The following CFTR variants were observed in gnomAD, a reference collection of about 807,000 sequenced individuals.
The protein encoded by CFTR is cystic fibrosis transmembrane conductance regulator.
CFTR carries 181 observed loss-of-function variants against 171.6 expected under a neutral mutation model. That is an observed-to-expected ratio of 1.05 (90% CI 0.93 to 1.19). The LOEUF (loss-of-function observed/expected upper bound fraction) is 1.19, where lower values mean the gene tolerates loss of function less well. CFTR is among the 50% of genes most tolerant of loss of function. The pLI, the probability that CFTR is intolerant of heterozygous loss-of-function variation, is 0.00. For missense variants in CFTR, 1,968 were observed against 1,734.7 expected (o/e 1.13, Z -2.39); for synonymous variants, 583 against 608.0 (o/e 0.96, Z 0.60).
intron 11 of CFTR, among the ~76,000 whole-genome samples, chr7:117,577,008 T>C (rs932570397): frequency 6.6e-6 from 1 of 152,006 alleles, no homozygotes; most frequent in Non-Finnish European, 1.5e-5. Context: ...TGTGAACAGA[T>C]AAGAAAATGG....
intron 1 of CFTR, among the ~76,000 whole-genome samples, chr7:117,499,885 C>T (rs1403869011): frequency 6.6e-6 from 1 of 151,910 alleles, no homozygotes; most frequent in Admixed American, 6.6e-5. Flanking sequence ...AAAAGTCTGT[C>T]GTCAATATGT....
At chr7:117,517,937 G>T (rs745668257) in intron 3 of CFTR, among the ~76,000 whole-genome samples, 13 of 152,122 alleles carry the variant, frequency 8.5e-5, no homozygotes, top group Non-Finnish European at 1.5e-4. Flanking sequence ...GTTCCTTGTA[G>T]ATTTTGGATA....
At chr7:117,562,469 A>G (rs1299559006) in intron 11 of CFTR, among the ~76,000 whole-genome samples, 1 of 152,172 alleles carries the variant, frequency 6.6e-6, no homozygotes, top group Non-Finnish European at 1.5e-5. Flanking sequence ...TATCGTGTGG[A>G]AGAAAACAGC....
intron 21 of CFTR, among the ~76,000 whole-genome samples, chr7:117,619,030 A>G (rs1028457833): frequency 2.0e-5 from 3 of 152,188 alleles, no homozygotes; most frequent in African/African-American, 7.2e-5. Flanking sequence ...ATTCATTTCA[A>G]TTATATTTCT....
chr7:117,598,300 T>C (rs1792170233), intron 15 of CFTR, among the ~76,000 whole-genome samples: 1 of 152,210 alleles, frequency 6.6e-6, no homozygotes, highest in Non-Finnish European at 1.5e-5. Flanking sequence ...TATGTCCTAA[T>C]ATAAAACCTA....
intron 11 of CFTR, among the ~76,000 whole-genome samples, chr7:117,570,457 T>C (rs1482460128): frequency 1.3e-5 from 2 of 152,106 alleles, no homozygotes; most frequent in African/African-American, 4.8e-5. Context: ...CCAAACAATA[T>C]TTTAGGAATT....
At chr7:117,649,644 C>T (rs1297071241) in intron 23 of CFTR, among the ~76,000 whole-genome samples, 3 of 151,600 alleles carry the variant, frequency 2.0e-5, no homozygotes, top group Non-Finnish European at 4.4e-5. Flanking sequence ...ATTTTCATAT[C>T]AGTCCATTTA....
Position 117,570,977 on chromosome 7 carries a change from C to T in CFTR, c.1584+11322C>T, listed in dbSNP as rs148745734. On this transcript the variant is annotated intron_variant, in intron 11 of 26. Transcript: ENST00000003084. ...TATTTGGGAAAACCACCTATTCTAACACACTTGAAATTTAAATAAGTCAGG... is the reference window on the plus strand; with the variant it reads ...TATTTGGGAAAACCACCTATTCTAATACACTTGAAATTTAAATAAGTCAGG... 7.2e-4 allele frequency among the ~76,000 whole-genome samples: 110 copies of T among 152,322 alleles called. No homozygotes were observed. In the Middle Eastern group the frequency reaches 0.027, roughly 38 times the overall value.
intron 11 of CFTR, among the ~76,000 whole-genome samples, chr7:117,572,325 G>A (rs983231769): frequency 1.3e-5 from 2 of 152,038 alleles, no homozygotes; most frequent in Non-Finnish European, 2.9e-5. Context: ...TAAGCTGATT[G>A]AAGATTCTTA....
intron 22 of CFTR, among the ~76,000 whole-genome samples, chr7:117,639,425 C>T (rs1459230601): frequency 6.6e-6 from 1 of 152,132 alleles, no homozygotes; most frequent in African/African-American, 2.4e-5. Context: ...TCTTTTTCCT[C>T]TCAAAATGCC....
intron 18 of CFTR, among the ~76,000 whole-genome samples, chr7:117,610,290 G>A (rs1013981520): frequency 7.4e-5 from 11 of 149,274 alleles, no homozygotes; most frequent in Admixed American, 6.7e-4. Flanking sequence ...AATGCTAGAT[G>A]ACGAGTTAGT....
At chr7:117,483,995 G>T (rs913624405) in intron 1 of CFTR, among the ~76,000 whole-genome samples, 1 of 152,080 alleles carries the variant, frequency 6.6e-6, no homozygotes, top group Non-Finnish European at 1.5e-5. Flanking sequence ...CACTTATTTG[G>T]TTATATAAAT....
intron 24 of CFTR, among the ~76,000 whole-genome samples, chr7:117,664,311 A>G (rs1177653198): frequency 2.0e-5 from 3 of 152,124 alleles, no homozygotes; most frequent in African/African-American, 7.2e-5. Flanking sequence ...ATGTATACAT[A>G]TTATCTTTTC....
At chr7:117,519,786 C>T (rs1798657499) in intron 3 of CFTR, among the ~76,000 whole-genome samples, 1 of 151,818 alleles carries the variant, frequency 6.6e-6, no homozygotes, top group African/African-American at 2.4e-5. Flanking sequence ...TATGGCTGTA[C>T]CATGATTTAT....
intron 8 of CFTR, among the ~76,000 whole-genome samples, chr7:117,540,592 A>T (rs1799037549): frequency 6.6e-6 from 1 of 152,244 alleles, no homozygotes; most frequent in African/African-American, 2.4e-5. Context: ...AATAATACTG[A>T]TGTAGCTAGC....
At chr7:117,645,502 A>T (rs1792984538) in intron 23 of CFTR, among the ~76,000 whole-genome samples, 1 of 152,194 alleles carries the variant, frequency 6.6e-6, no homozygotes, top group Non-Finnish European at 1.5e-5. Flanking sequence ...TGATGTGGGT[A>T]ATTATGAAAG....
intron 10 of CFTR, among the ~76,000 whole-genome samples, chr7:117,556,707 GA>G (rs1157780243): frequency 6.7e-6 from 1 of 149,274 alleles, no homozygotes; most frequent in East Asian, 2.0e-4. Flanking sequence ...TTTTAGTAGA[GA>G]CGGGGTTTCA....
intron 11 of CFTR, among the ~76,000 whole-genome samples, chr7:117,566,857 T>C (rs1258427938): frequency 1.3e-5 from 2 of 152,188 alleles, no homozygotes; most frequent in African/African-American, 4.8e-5. Flanking sequence ...ATTCCAAAAG[T>C]GTGAGCTAGG....
At chr7:117,566,755 C>T (rs1791608681) in intron 11 of CFTR, among the ~76,000 whole-genome samples, 1 of 152,194 alleles carries the variant, frequency 6.6e-6, no homozygotes, top group Non-Finnish European at 1.5e-5. Context: ...CTGTGCTAAG[C>T]ACCTTTCATG....
Sources: gnomAD v4.1 joint callset for allele counts (sites outside exome capture counted in the v4.1 genomes callset) on GRCh38, gnomAD v4.1.1 for gene constraint, MANE v1.5 for transcripts, NCBI Gene and HGNC (gene_info 2026-07-23, HGNC 2026-07-21) for gene names.